Variants in GALNT13 observed in about 807,000 individuals in gnomAD.
The protein encoded by GALNT13 is polypeptide N-acetylgalactosaminyltransferase 13, also known as UDP-GalNAc:polypeptide N-acetylgalactosaminyltransferase 13.
Under a neutral mutation model 64.2 loss-of-function variants are expected in GALNT13, and 28 were observed. The observed-to-expected ratio is 0.44, with a 90% CI of 0.32 to 0.60. GALNT13 has a LOEUF of 0.60. Among genes scored for constraint, GALNT13 ranks in the 20% least tolerant of loss-of-function variants. The pLI, the probability that GALNT13 is intolerant of heterozygous loss-of-function variation, is 0.05. For missense variants in GALNT13, 577 were observed against 669.8 expected, an observed-to-expected ratio of 0.86 and a Z score of 1.53; for synonymous variants, 214 against 224.6, an observed-to-expected ratio of 0.95 and a Z score of 0.42.
At chr2:153,939,396 T>C (rs1691179391) in intron 2 of GALNT13, among the ~76,000 whole-genome samples, 1 of 152,192 alleles carries the variant, frequency 6.6e-6, no homozygotes, top group South Asian at 2.1e-4. Flanking sequence ...AGCTCTCTTA[T>C]CTGGTGAACT....
intron 3 of GALNT13, among the ~76,000 whole-genome samples, chr2:154,051,928 T>C (rs553965784): frequency 3.9e-5 from 6 of 152,316 alleles, no homozygotes; most frequent in African/African-American, 9.6e-5. Context: ...TGTGAAAGAC[T>C]GTATTTCTCA....
intron 4 of GALNT13, among the ~76,000 whole-genome samples, chr2:154,207,302 TCTC>T (rs1223723122): frequency 6.6e-5 from 10 of 152,204 alleles, no homozygotes; most frequent in African/African-American, 2.4e-4. Flanking sequence ...AACCTGCTCT[TCTC>T]CACTTGCCTT....
chr2:153,523,122 A>G, the GALNT13 span, among the ~76,000 whole-genome samples: 2 of 138,390 alleles, frequency 1.4e-5, no homozygotes, highest in Non-Finnish European at 3.0e-5. Context: ...TCTCCTTTCA[A>G]TTGCGTTGGC....
At position 154,374,348 on chromosome 2, in the gene GALNT13, C is replaced by T. The variant is rs549739920; in HGVS notation, c.1157-21643C>T. Among the ~76,000 whole-genome samples, 10 of 152,180 alleles carry T rather than the reference C, an allele frequency of 6.6e-5. No homozygotes were observed. The East Asian group carries it at 1.2e-3, about 18-fold the overall frequency. On this transcript the variant is annotated intron_variant, in intron 9 of 12. Coordinates refer to ENST00000392825, the MANE Select transcript of GALNT13 (RefSeq NM_052917.4). ...TCAAATCTTAATTAAGCACTATTGCCTTTTTGTCCTTAAAAGCATATGGGG... is the reference window on the plus strand; with the variant it reads ...TCAAATCTTAATTAAGCACTATTGCTTTTTTGTCCTTAAAAGCATATGGGG...
At chr2:153,290,077 A>G in the GALNT13 span, among the ~76,000 whole-genome samples, 12 of 152,180 alleles carry the variant, frequency 7.9e-5, no homozygotes, top group African/African-American at 2.7e-4. Flanking sequence ...CTATCCTTGC[A>G]TTTCTATTAT....
chr2:153,942,363 G>A (rs138315264), intron 2 of GALNT13, among the ~76,000 whole-genome samples: 146 of 152,132 alleles, frequency 9.6e-4, no homozygotes, highest in African/African-American at 3.3e-3. Flanking sequence ...TGTAGTGACC[G>A]TCAATGTTAT....
the GALNT13 span, among the ~76,000 whole-genome samples, chr2:153,071,242 A>G: frequency 6.6e-5 from 10 of 152,226 alleles, no homozygotes; most frequent in Admixed American, 2.6e-4. Flanking sequence ...AATATTTTAT[A>G]TCCAGCTTGA....
the GALNT13 span, among the ~76,000 whole-genome samples, chr2:153,749,821 A>G: frequency 1.8e-3 from 268 of 151,772 alleles, 3 homozygotes; most frequent in South Asian, 0.015. Context: ...GATGCCCTTT[A>G]TTTCTTTTAT....
chr2:154,359,155 G>T (rs1696921065), intron 9 of GALNT13, among the ~76,000 whole-genome samples: 1 of 151,996 alleles, frequency 6.6e-6, no homozygotes, highest in South Asian at 2.1e-4. Context: ...CTTCACAGTG[G>T]AGTTAAAGCA....
At chr2:153,874,334 G>C (rs1353098222) in intron 1 of GALNT13, among the ~76,000 whole-genome samples, 2 of 151,678 alleles carry the variant, frequency 1.3e-5, no homozygotes, top group African/African-American at 2.4e-5. Context: ...TTTCCTGGCT[G>C]CTTCTGCTTG....
chr2:153,628,993 G>C, the GALNT13 span, among the ~76,000 whole-genome samples: 1 of 152,034 alleles, frequency 6.6e-6, no homozygotes, highest in Non-Finnish European at 1.5e-5. Flanking sequence ...TTTTTGGTTG[G>C]TAAGCTATTA....
the GALNT13 span, among the ~76,000 whole-genome samples, chr2:153,117,520 T>C: frequency 6.6e-6 from 1 of 152,180 alleles, no homozygotes; most frequent in African/African-American, 2.4e-5. Flanking sequence ...AACTTACTCA[T>C]GGAAAAAGTG....
At chr2:153,991,423 T>C (rs1474086030) in intron 3 of GALNT13, among the ~76,000 whole-genome samples, 1 of 151,922 alleles carries the variant, frequency 6.6e-6, no homozygotes, top group Non-Finnish European at 1.5e-5. Flanking sequence ...CGCTGGAGGG[T>C]GGAAGCAAGA....
At chr2:153,187,745 C>A in the GALNT13 span, among the ~76,000 whole-genome samples, 1 of 152,098 alleles carries the variant, frequency 6.6e-6, no homozygotes, top group African/African-American at 2.4e-5. Context: ...ATTCCTTTAT[C>A]GGACAGAATA....
the GALNT13 span, among the ~76,000 whole-genome samples, chr2:153,374,037 T>A: frequency 6.6e-6 from 1 of 152,344 alleles, no homozygotes; most frequent in South Asian, 2.1e-4. Flanking sequence ...GCTTGCTTCT[T>A]CCTTTTGGCA....
At chr2:154,445,243 A>G (rs954446898) in intron 12 of GALNT13, among the ~76,000 whole-genome samples, 9 of 151,944 alleles carry the variant, frequency 5.9e-5, no homozygotes, top group Non-Finnish European at 1.3e-4. Context: ...TTTGGGACAT[A>G]TGTTACAGTC....
chr2:153,073,781 A>G, the GALNT13 span, among the ~76,000 whole-genome samples: 3 of 152,192 alleles, frequency 2.0e-5, no homozygotes, highest in African/African-American at 4.8e-5. Flanking sequence ...ATTTTGAATC[A>G]GGATCTGAAT....
chr2:153,300,958 CTT>C, the GALNT13 span, among the ~76,000 whole-genome samples: 1 of 152,092 alleles, frequency 6.6e-6, no homozygotes, highest in South Asian at 2.1e-4. Flanking sequence ...AATCCCAGCA[CTT>C]TGGGAAGCCA....
the GALNT13 span, among the ~76,000 whole-genome samples, chr2:153,072,971 A>G: frequency 6.6e-6 from 1 of 152,196 alleles, no homozygotes; most frequent in African/African-American, 2.4e-5. Context: ...TTCAGGAACA[A>G]GATTCCTGGA....
Sources: gnomAD v4.1 joint callset for allele counts (sites outside exome capture counted in the v4.1 genomes callset) on GRCh38, gnomAD v4.1.1 for gene constraint, MANE v1.5 for transcripts, NCBI Gene and HGNC (gene_info 2026-07-23, HGNC 2026-07-21) for gene names.